The following COL9A3 variants were observed in gnomAD, a reference collection of about 807,000 sequenced individuals.
COL9A3 encodes the protein collagen type IX alpha 3 chain, also known as collagen alpha-3(IX) chain.
COL9A3 carries 82 observed loss-of-function variants against 110.2 expected under a neutral mutation model. The ratio of observed to expected loss-of-function variants is 0.74; its 90% confidence interval spans 0.62 to 0.89. The LOEUF is 0.89. COL9A3 is among the 40% of genes least tolerant of loss of function. COL9A3 has a pLI of 0.00. For synonymous variants in COL9A3, 494 were observed against 403.8 expected, an observed-to-expected ratio of 1.22 and a Z score of -2.68; for missense variants, 1,066 against 981.3, an observed-to-expected ratio of 1.09 and a Z score of -1.15.
intron 6 of COL9A3, 145 bp from the exon 7 acceptor site, chr20:62,821,362 G>A: frequency 7.4e-7 from 1 of 1,346,638 alleles, no homozygotes; most frequent in Non-Finnish European, 1.0e-6. Flanking sequence ...CCTGGATGGG[G>A]TCCTGGTGCC....
At position 62,817,754 on chromosome 20, in the gene COL9A3, G is replaced by A. The variant is rs1990982119; in HGVS notation, c.147+119G>A. ...AGGCCCCACCTCCCAGAGCCGGGGTGACATCAGGGGACAGCCAGTGCCTTC... is the reference window on the plus strand; with the variant it reads ...AGGCCCCACCTCCCAGAGCCGGGGTAACATCAGGGGACAGCCAGTGCCTTC... On this transcript the variant is annotated intron_variant, in intron 2 of 31. Transcript: ENST00000649368. 5 of 691,468 alleles carry A rather than the reference G, an allele frequency of 7.2e-6. No individual in the cohort carries two copies. In the Admixed American group the frequency reaches 8.3e-5, roughly 11 times the overall value. The allele number at this position is 691,468 out of a possible 1,614,324, so 42.8% of individuals were successfully genotyped here.
At position 62,826,756 on chromosome 20, in the gene COL9A3, C is replaced by T. The variant is rs2063556488; in HGVS notation, c.739-11C>T. 2 of 1,612,564 alleles carry T rather than the reference C, an allele frequency of 1.2e-6. No homozygotes were observed. The highest frequency in any genetic ancestry group is 1.7e-6 in the Non-Finnish European group (2 of 1,179,844). On this transcript the variant is annotated splice_polypyrimidine_tract_variant and intron_variant, in intron 14 of 31. Transcript: ENST00000649368. The stretch of plus-strand genomic sequence containing the variant: ...GACAAGAGGACCCCGGATCCCCTCT[C>T]TCCTCTGCAGGGTCCCATTGGGTTC...
intron 5 of COL9A3, among the ~76,000 whole-genome samples, chr20:62,820,647 A>G (rs1991089362): frequency 6.6e-6 from 1 of 152,176 alleles, no homozygotes; most frequent in South Asian, 2.1e-4. Flanking sequence ...CTGGCAGCCG[A>G]GTCCGTGGTG....
At chr20:62,817,036 C>A (rs1267809805), upstream of COL9A3, 2 of 1,218,482 alleles carry the variant, frequency 1.6e-6, no homozygotes, top group Non-Finnish European at 2.0e-6. Context: ...CCGCCCGCCC[C>A]GACGCCGCAG....
At chr20:62,825,897 T>A in intron 13 of COL9A3, 27 bp downstream of exon 13, 1 of 1,555,216 alleles carries the variant, frequency 6.4e-7, no homozygotes, top group Non-Finnish European at 8.7e-7. Flanking sequence ...GTAAGGATGG[T>A]GGGATGGGAA....
At chr20:62,817,311 G>A (rs1990960245) in intron 1 of COL9A3, 169 bp downstream of exon 1, 2 of 499,804 alleles carry the variant, frequency 4.0e-6, no homozygotes, top group Admixed American at 4.6e-5. Context: ...CCGCGTCCTC[G>A]ATGGGTCCTC....
At chr20:62,826,940 G>A in intron 15 of COL9A3, 120 bp downstream of exon 15, 1 of 1,122,832 alleles carries the variant, frequency 8.9e-7, no homozygotes, top group Non-Finnish European at 1.3e-6. Flanking sequence ...GCTGTTCCCT[G>A]GACACCCTGG....
At position 62,836,284 on chromosome 20, in the gene COL9A3, T is replaced by A. The variant is rs2063634872; in HGVS notation, c.1499T>A (p.Leu500Gln). The change falls in exon 28 of 32, where the codon CTG becomes CAG. Residue 500 changes from leucine to glutamine, a missense_variant. Transcript: ENST00000649368. ...CCCGGGCCCCCCGGTCCTCTGGGCCTGCAGGGCGTCCCGGGTGTTCCTGGC... is the reference window on the plus strand; with the variant it reads ...CCCGGGCCCCCCGGTCCTCTGGGCCAGCAGGGCGTCCCGGGTGTTCCTGGC... ...GVPGPPGPLGLQGVPGVPGIT... is the reference protein window; with the variant it reads ...GVPGPPGPLGQQGVPGVPGIT... 1.9e-6 allele frequency: 3 copies of A among 1,613,894 alleles called. No homozygotes were observed. The highest frequency in any genetic ancestry group is 2.5e-6 in the Non-Finnish European group (3 of 1,180,018).
At position 62,838,766 on chromosome 20, in the gene COL9A3, G is replaced by A. The variant is rs759435903; in HGVS notation, c.1864+5G>A. 1.2e-5 allele frequency: 18 copies of A among 1,551,068 alleles called. No homozygotes were observed. The highest frequency in any genetic ancestry group is 7.8e-5 in the Admixed American group (4 of 50,994). ...AAGGAGACCAGGGGCCCCAAGGTAC[G>A]AGTCCACGGCCAGCAAGGCTTCACT... On this transcript the variant is annotated splice_donor_5th_base_variant and intron_variant, in intron 31 of 31. Transcript: ENST00000649368.
Position 62,836,265 on chromosome 20 carries a change from C to G in COL9A3, c.1480C>G (p.Pro494Ala), listed in dbSNP as rs747039261. Residue 494 changes from proline (P) to alanine (A), a missense_variant, in exon 28 of 32, where the codon CCC becomes GCC. Transcript: ENST00000649368. The part of the protein sequence containing the change: ...GTSGVQGVPG[P>A]PGPLGLQGVP... The stretch of plus-strand genomic sequence containing the variant: ...CAGCGGTGTTCAGGGTGTCCCCGGG[C>G]CCCCCGGTCCTCTGGGCCTGCAGGG... 5 of 1,613,540 alleles carry G rather than the reference C, an allele frequency of 3.1e-6. No homozygotes were observed. Among genetic ancestry groups the G allele is most frequent in the Non-Finnish European group, 4.2e-6 (5 of 1,179,948 alleles).
intron 3 of COL9A3, 132 bp from the exon 4 acceptor site, chr20:62,819,090 G>C: frequency 1.1e-6 from 1 of 908,528 alleles, no homozygotes; most frequent in East Asian, 2.6e-5. Context: ...AGACAGTAGG[G>C]GGGACCCAGG....
rs1443131413 is a variant in COL9A3, at chr20:62,827,936, C to T, written c.860C>T (p.Pro287Leu). 1.2e-6 allele frequency: 2 copies of T among 1,612,856 alleles called. No homozygotes were observed. The highest frequency in any genetic ancestry group is 2.2e-5 in the East Asian group (1 of 44,898). ...GPKGDLGRPG[P>L]KGTPGVAGPS... ...TGTGTCCTCTAGGGCAGACCTGGTC[C>T]CAAGGGAACCCCCGGAGTGGCCGGG... is the stretch of plus-strand genomic sequence containing the variant. The change falls in exon 17 of 32, where the codon CCC becomes CTC. Residue 287 changes from proline (P) to leucine (L), a missense_variant. Physicochemically the swap from Pro to Leu is moderately conservative, Grantham distance 98 (BLOSUM62 -3). Coordinates refer to ENST00000649368, the MANE Select transcript of COL9A3 (RefSeq NM_001853.4).
At chr20:62,832,598 C>T (rs1267329380) in intron 25 of COL9A3, among the ~76,000 whole-genome samples, 1 of 122,546 alleles carries the variant, frequency 8.2e-6, no homozygotes, top group Non-Finnish European at 1.9e-5. Context: ...GTTTTGCAGG[C>T]AGATTCGAAA....
At position 62,836,734 on chromosome 20, in the gene COL9A3, C is replaced by A. The variant is rs555778717; in HGVS notation, c.1603+202C>A. On this transcript the variant is annotated intron_variant, in intron 29 of 31. Coordinates refer to ENST00000649368, the MANE Select transcript of COL9A3 (RefSeq NM_001853.4). ...TGCGCTAGAGGATGGCCCACGCTCC[C>A]GCCCCGGATTCAACCAGATTCCCAG... 6 of 645,760 alleles carry A rather than the reference C, an allele frequency of 9.3e-6. No individual in the cohort carries two copies. In the South Asian group the frequency reaches 1.2e-4, roughly 13 times the overall value. 40.0% of individuals were successfully genotyped at this position (645,760 alleles called of 1,614,324 possible).
intron 10 of COL9A3, 25 bp from the exon 11 acceptor site, chr20:62,824,420 G>A (rs925699667): frequency 1.9e-6 from 3 of 1,588,124 alleles, no homozygotes; most frequent in African/African-American, 2.7e-5. Context: ...GCTGGGAGGG[G>A]TCTGACTGCT....
rs551834693 is a variant in COL9A3, at chr20:62,833,703, G to A, written c.1368+639G>A. On this transcript the variant is annotated intron_variant, in intron 26 of 31. Coordinates refer to ENST00000649368, the MANE Select transcript of COL9A3 (RefSeq NM_001853.4). ...CAGGCATGAGCCACCGCGCCCGGCCGGGGGTTTTTTTTGAGACGAAGTTTT... is the reference window on the plus strand; with the variant it reads ...CAGGCATGAGCCACCGCGCCCGGCCAGGGGTTTTTTTTGAGACGAAGTTTT... 1.5e-3 allele frequency among the ~76,000 whole-genome samples: 222 copies of A among 144,896 alleles called. 2 individuals are homozygous for A. Among genetic ancestry groups the A allele is most frequent in the Admixed American group, 3.4e-3 (49 of 14,580 alleles).
intron 3 of COL9A3, 95 bp downstream of exon 3, chr20:62,818,648 G>A: frequency 2.2e-6 from 3 of 1,362,398 alleles, no homozygotes; most frequent in Non-Finnish European, 3.1e-6. Flanking sequence ...GTCTCATCCT[G>A]CCGGAGCCCG....
In COL9A3 at chr20:62,840,579, G is replaced by T; in HGVS notation, c.1902G>T (p.Gln634His). 1 of 1,612,864 alleles carries T rather than the reference G, an allele frequency of 6.2e-7. No individual in the cohort carries two copies. Among genetic ancestry groups the T allele is most frequent in the East Asian group, 2.2e-5 (1 of 44,874 alleles). The change falls in exon 32 of 32, where the codon CAG (glutamine) becomes CAT (histidine). Residue 634 changes from glutamine to histidine, a missense_variant. By Grantham distance (24) the Gln-to-His change is conservative. Transcript: ENST00000649368. ...QGVPGTSKDG[Q>H]DGAPGEPGPP... is the part of the protein sequence containing the mutation. ...TGCCCGGCACCAGCAAGGACGGCCA[G>T]GACGGTGCTCCCGGCGAGCCTGGGC...
rs112741454 is a variant in COL9A3, at chr20:62,837,691, C to T, written c.1786+426C>T. Among the ~76,000 whole-genome samples the T allele has an allele frequency of 1.7e-3, 252 of 152,160 alleles. 2 individuals are homozygous for T. Among genetic ancestry groups the T allele is most frequent in the African/African-American group, 5.7e-3 (238 of 41,518 alleles). On this transcript the variant is annotated intron_variant, in intron 30 of 31. Coordinates refer to ENST00000649368, the MANE Select transcript of COL9A3 (RefSeq NM_001853.4). ...GCATGGTGGCACACGCCTGTAATCC[C>T]AGCTACTCAGGAGGCTGAGGCAGGA... is the stretch of plus-strand genomic sequence containing the variant.
Sources: gnomAD v4.1 joint callset for allele counts (sites outside exome capture counted in the v4.1 genomes callset) on GRCh38, gnomAD v4.1.1 for gene constraint, MANE v1.5 for transcripts, NCBI Gene and HGNC (gene_info 2026-07-23, HGNC 2026-07-21) for gene names.